PDE11A: variants seen among roughly 807,000 people sequenced by gnomAD.
PDE11A encodes the protein dual 3',5'-cyclic-AMP and -GMP phosphodiesterase 11A.
Under a neutral mutation model 100.5 loss-of-function variants are expected in PDE11A, and 100 were observed. That is an observed-to-expected ratio of 1.00 (90% confidence interval 0.85 to 1.18). The LOEUF is 1.18. Among genes scored for constraint, PDE11A ranks in the 50% most tolerant of loss-of-function variants. PDE11A has a pLI of 0.00. For synonymous variants in PDE11A, 381 were observed against 420.8 expected (o/e 0.91, Z 1.16); for missense variants, 1,141 against 1,152.6 (o/e 0.99, Z 0.15).
chr2:177,758,313 A>G (rs950390742), intron 10 of PDE11A, among the ~76,000 whole-genome samples: 1 of 147,728 alleles, frequency 6.8e-6, no homozygotes, highest in South Asian at 2.2e-4. Flanking sequence ...AAAAAAAAAA[A>G]AAAAAAGAAT....
chr2:177,832,032 G>A (rs180921118), intron 6 of PDE11A, among the ~76,000 whole-genome samples: 4 of 152,274 alleles, frequency 2.6e-5, no homozygotes, highest in East Asian at 1.9e-4. Context: ...ACCCCTCCAC[G>A]AATGTCAGGT....
intron 19 of PDE11A, among the ~76,000 whole-genome samples, chr2:177,643,422 G>T (rs781660180): frequency 6.6e-6 from 1 of 152,162 alleles, no homozygotes; most frequent in Non-Finnish European, 1.5e-5. Context: ...GCAGCATTTT[G>T]TCCCTGCCCT....
chr2:178,022,064 T>C (rs1324629532), intron 1 of PDE11A, among the ~76,000 whole-genome samples: 1 of 151,938 alleles, frequency 6.6e-6, no homozygotes, highest in African/African-American at 2.4e-5. Context: ...TATGACTGAG[T>C]CTTCATTTTA....
chr2:177,707,407 A>G (rs578123547), intron 13 of PDE11A, among the ~76,000 whole-genome samples: 19 of 152,290 alleles, frequency 1.2e-4, no homozygotes, highest in Non-Finnish European at 2.4e-4. Context: ...AAGTAGCCCA[A>G]TTTTCACAAG....
chr2:177,664,437 G>A (rs977578951), intron 18 of PDE11A, among the ~76,000 whole-genome samples: 9 of 152,052 alleles, frequency 5.9e-5, no homozygotes, highest in African/African-American at 1.9e-4. Context: ...TTTGGCAATT[G>A]CATATGTTTT....
chr2:177,984,139 AT>A (rs1237300511), intron 2 of PDE11A, among the ~76,000 whole-genome samples: 1 of 152,204 alleles, frequency 6.6e-6, no homozygotes, highest in Non-Finnish European at 1.5e-5. Flanking sequence ...TTATATAAAA[AT>A]TTGAAACGTA....
intron 2 of PDE11A, among the ~76,000 whole-genome samples, chr2:178,010,210 C>T (rs1372052450): frequency 1.3e-5 from 2 of 152,190 alleles, no homozygotes; most frequent in Non-Finnish European, 1.5e-5. Context: ...AGACTTGAAC[C>T]TGCTTTGGAG....
At chr2:177,944,998 T>G in intron 2 of PDE11A, among the ~76,000 whole-genome samples, 1 of 149,436 alleles carries the variant, frequency 6.7e-6, no homozygotes. Context: ...GCCTGACTGG[T>G]TTTGGTGGAG....
At chr2:177,921,797 G>A (rs549551402) in intron 2 of PDE11A, 14 of 152,120 alleles carry the variant, frequency 9.2e-5, no homozygotes, top group Non-Finnish European at 1.5e-4. Context: ...CAGAAAAGCC[G>A]TTCCTACAGC....
chr2:177,681,643 C>T (rs879433073), intron 15 of PDE11A, among the ~76,000 whole-genome samples: 10 of 152,198 alleles, frequency 6.6e-5, no homozygotes, highest in Admixed American at 3.3e-4. Context: ...AAGCCCCCAA[C>T]CAAATAAATG....
At chr2:177,995,597 G>T (rs1308027563) in intron 2 of PDE11A, among the ~76,000 whole-genome samples, 2 of 151,646 alleles carry the variant, frequency 1.3e-5, no homozygotes, top group Non-Finnish European at 1.5e-5. Flanking sequence ...CAGAACAAAG[G>T]CTCTATGCTA....
At chr2:177,982,804 G>A (rs1391939590) in intron 2 of PDE11A, among the ~76,000 whole-genome samples, 1 of 150,848 alleles carries the variant, frequency 6.6e-6, no homozygotes, top group East Asian at 1.9e-4. Context: ...GGCCAGGCAT[G>A]GTAGCTCACA....
At chr2:177,677,261 G>C (rs1346042798) in intron 16 of PDE11A, among the ~76,000 whole-genome samples, 1 of 152,132 alleles carries the variant, frequency 6.6e-6, no homozygotes, top group Non-Finnish European at 1.5e-5. Flanking sequence ...GACTGACTCA[G>C]TCTCTATATG....
intron 2 of PDE11A, among the ~76,000 whole-genome samples, chr2:177,987,531 G>T (rs2085954747): frequency 6.6e-6 from 1 of 152,162 alleles, no homozygotes; most frequent in South Asian, 2.1e-4. Flanking sequence ...GTAAATGAAA[G>T]TCTCTACCAC....
intron 2 of PDE11A, among the ~76,000 whole-genome samples, chr2:177,919,346 C>T (rs983045515): frequency 1.3e-5 from 2 of 152,092 alleles, no homozygotes; most frequent in African/African-American, 4.8e-5. Flanking sequence ...ATCCGCCCAC[C>T]TCGGCCTCCC....
At chr2:177,996,800 C>T (rs2086081507) in intron 2 of PDE11A, among the ~76,000 whole-genome samples, 1 of 152,044 alleles carries the variant, frequency 6.6e-6, no homozygotes, top group Non-Finnish European at 1.5e-5. Flanking sequence ...AACACTAAAA[C>T]AGAGGAAAGA....
intron 17 of PDE11A, 42 bp downstream of exon 17, chr2:177,675,413 C>G (rs543707970): frequency 2.5e-5 from 36 of 1,438,398 alleles, no homozygotes; most frequent in Middle Eastern, 4.0e-4. Context: ...TTACGCCCCC[C>G]AGTCCCTCCT....
chr2:177,744,849 G>T (rs1376510340), intron 10 of PDE11A, among the ~76,000 whole-genome samples: 1 of 152,118 alleles, frequency 6.6e-6, no homozygotes, highest in Non-Finnish European at 1.5e-5. Context: ...TTTATCATAC[G>T]GTTTTGCTAG....
intron 13 of PDE11A, among the ~76,000 whole-genome samples, chr2:177,704,400 CCTT>C (rs2081247928): frequency 6.6e-6 from 1 of 151,394 alleles, no homozygotes; most frequent in Non-Finnish European, 1.5e-5. Flanking sequence ...CAAATGGATC[CCTT>C]ATTTACACTA....
Sources: gnomAD v4.1 joint callset for allele counts (sites outside exome capture counted in the v4.1 genomes callset) on GRCh38, gnomAD v4.1.1 for gene constraint, MANE v1.5 for transcripts, NCBI Gene and HGNC (gene_info 2026-07-23, HGNC 2026-07-21) for gene names.